Variants in TXNL4A observed in about 807,000 individuals in gnomAD.
The protein encoded by TXNL4A is thioredoxin-like protein 4A.
In TXNL4A, 17 loss-of-function variants were observed where a neutral mutation model predicts 14.6. The observed-to-expected ratio is 1.16, with a 90% CI of 0.80 to 1.74. The LOEUF (loss-of-function observed/expected upper bound fraction) is 1.74, where lower values mean the gene tolerates loss of function less well. TXNL4A is among the 40% of genes most tolerant of loss of function. The probability of loss-of-function intolerance (pLI) is 0.00; values close to 1 mark genes in which losing one functional copy is unlikely to be tolerated. For missense variants in TXNL4A, 74 were observed against 195.2 expected, an observed-to-expected ratio of 0.38 and a Z score of 3.70; for synonymous variants, 83 against 70.6, an observed-to-expected ratio of 1.18 and a Z score of -0.88.
intron 1 of TXNL4A, 147 bp downstream of exon 1, chr18:79,988,093 C>A: frequency 9.8e-7 from 1 of 1,023,020 alleles, no homozygotes; most frequent in South Asian, 3.0e-5. Flanking sequence ...GAGCGCTCGA[C>A]CGCAGCGAGG....
chr18:80,006,342 C>T (rs1017348788), intron 1 of TXNL4A, among the ~76,000 whole-genome samples: 3 of 151,804 alleles, frequency 2.0e-5, no homozygotes, highest in African/African-American at 4.8e-5. Flanking sequence ...CAAGATCATG[C>T]CATTGCACTC....
At chr18:79,991,343 C>T (rs1349429274), upstream of TXNL4A, among the ~76,000 whole-genome samples, 1 of 152,034 alleles carries the variant, frequency 6.6e-6, no homozygotes, top group Non-Finnish European at 1.5e-5. Context: ...ATAGATTTAC[C>T]TATTCTAGAC....
upstream of TXNL4A, among the ~76,000 whole-genome samples, chr18:79,990,728 T>G (rs2051621579): frequency 6.6e-6 from 1 of 152,380 alleles, no homozygotes; most frequent in Middle Eastern, 3.4e-3. Flanking sequence ...ACAAGATTTA[T>G]CGCCTTAATT....
chr18:79,988,582 G>A (rs553728300), upstream of TXNL4A: 315 of 497,392 alleles, frequency 6.3e-4, 1 homozygote, highest in African/African-American at 5.6e-3. Context: ...ACGCACCGAC[G>A]CCGTGCGTGC....
At chr18:79,989,573 T>G (rs1346625446), upstream of TXNL4A, among the ~76,000 whole-genome samples, 1 of 152,246 alleles carries the variant, frequency 6.6e-6, no homozygotes, top group African/African-American at 2.4e-5. Context: ...ATAAAACCTC[T>G]AACCTCTGTT....
chr18:80,002,295 C>T lies in TXNL4A; in HGVS notation c.-60-24594G>A, dbSNP rs140628221. Among the ~76,000 whole-genome samples the T allele has an allele frequency of 7.2e-5, 11 of 152,266 alleles. No individual in the cohort carries two copies. The East Asian group carries it at 1.5e-3, about 21-fold the overall frequency. On this transcript the variant is annotated intron_variant, in intron 1 of 2. Coordinates refer to the TXNL4A transcript ENST00000585474. ...GCAAGCCCTGTGGCACATCTTAATC[C>T]GTTAGGTCCTCGTGTCTAGGTGCAT...
intron 1 of TXNL4A, among the ~76,000 whole-genome samples, chr18:80,001,665 G>T (rs1324812167): frequency 6.6e-6 from 1 of 152,236 alleles, no homozygotes; most frequent in Non-Finnish European, 1.5e-5. Context: ...GAACTTTAAA[G>T]TTTAATGACT....
upstream of TXNL4A, chr18:79,988,601 TGCGC>T (rs1284535035): frequency 2.4e-6 from 1 of 421,518 alleles, no homozygotes; most frequent in Non-Finnish European, 3.9e-6. Flanking sequence ...GCTGACGGCA[TGCGC>T]GCGCGCTAGC....
chr18:80,007,415 C>A (rs923050498), intron 1 of TXNL4A, among the ~76,000 whole-genome samples: 2 of 152,148 alleles, frequency 1.3e-5, no homozygotes, highest in East Asian at 3.9e-4. Context: ...CAGAGAGAGT[C>A]GGAGAGAAAC....
intron 1 of TXNL4A, among the ~76,000 whole-genome samples, chr18:80,016,555 G>A (rs1459895820): frequency 6.6e-6 from 1 of 152,026 alleles, no homozygotes; most frequent in Non-Finnish European, 1.5e-5. Flanking sequence ...TGTAAGGAAG[G>A]GATCCAGTTT....
intron 1 of TXNL4A, among the ~76,000 whole-genome samples, chr18:80,014,907 TCTTGA>T (rs1445060091): frequency 6.6e-6 from 1 of 152,220 alleles, no homozygotes; most frequent in Admixed American, 6.5e-5. Context: ...AAACTTCAGT[TCTTGA>T]CTTCTGTGCG....
Position 79,971,874 on chromosome 18 carries a change from A to T in TXNL4A, c.*1811T>A, listed in dbSNP as rs893191320. The T allele has an allele frequency of 6.6e-6, 1 of 152,162 alleles. No individual in the cohort carries two copies. Among genetic ancestry groups the T allele is most frequent in the Admixed American group, 6.6e-5 (1 of 15,254 alleles). 9.4% of individuals were successfully genotyped at this position (152,162 alleles called of 1,614,324 possible). On this transcript the variant is annotated 3_prime_UTR_variant, in exon 3 of 3. Transcript: ENST00000269601. ...TCTGTTTCACCTGCTCTGGAGAAAT[A>T]GCAGGAGTGTAATACTGAGTGTCTG...
At position 79,973,569 on chromosome 18, in the gene TXNL4A, T is replaced by C. The variant is rs910584905; in HGVS notation, c.*116A>G. On this transcript the variant is annotated 3_prime_UTR_variant, in exon 3 of 3. Coordinates refer to ENST00000269601, the MANE Select transcript of TXNL4A (RefSeq NM_006701.5). ...AGTTAAGACCATGTTATCAATTCCA[T>C]CTCAGAGGTGCTCCAGCCCTGGAGC... is the stretch of plus-strand genomic sequence containing the variant. 44 of 1,348,176 alleles carry C rather than the reference T, an allele frequency of 3.3e-5. No homozygotes were observed. In the Middle Eastern group the frequency reaches 8.7e-4, roughly 27 times the overall value. 83.5% of individuals were successfully genotyped at this position (1,348,176 alleles called of 1,614,324 possible).
At chr18:79,987,598 G>A (rs938610398) in intron 1 of TXNL4A, among the ~76,000 whole-genome samples, 2 of 152,146 alleles carry the variant, frequency 1.3e-5, no homozygotes, top group Admixed American at 6.5e-5. Flanking sequence ...AATGAAATCT[G>A]GTTATAAAAT....
At chr18:80,025,067 A>G (rs1474170946) in intron 1 of TXNL4A, among the ~76,000 whole-genome samples, 1 of 152,230 alleles carries the variant, frequency 6.6e-6, no homozygotes, top group Non-Finnish European at 1.5e-5. Flanking sequence ...TAACTAAAGC[A>G]GATTCTAAGT....
chr18:79,998,836 G>A (rs1057511159), intron 1 of TXNL4A, among the ~76,000 whole-genome samples: 35 of 151,592 alleles, frequency 2.3e-4, no homozygotes, highest in African/African-American at 7.3e-4. Context: ...CCACTCTCTT[G>A]TCAGGCCCTT....
At chr18:80,024,217 G>T (rs2051869297) in intron 1 of TXNL4A, among the ~76,000 whole-genome samples, 1 of 151,992 alleles carries the variant, frequency 6.6e-6, no homozygotes. Flanking sequence ...TTTTGTGGGA[G>T]TTTTTCCACT....
chr18:79,977,969 A>G, intron 1 of TXNL4A: 1 of 409,454 alleles, frequency 2.4e-6, no homozygotes, highest in Non-Finnish European at 4.4e-6. Flanking sequence ...ACTCCTGGCC[A>G]ACGGGGCAAT....
intron 1 of TXNL4A, among the ~76,000 whole-genome samples, chr18:80,032,785 A>G (rs2145135320): frequency 6.6e-6 from 1 of 152,340 alleles, no homozygotes; most frequent in East Asian, 1.9e-4. Flanking sequence ...GGTTGCAGTG[A>G]GCCGGGATCA....
Sources: allele counts gnomAD v4.1 joint callset (sites outside exome capture counted in the v4.1 genomes callset), GRCh38; gene constraint gnomAD v4.1.1; transcripts MANE v1.5; gene names NCBI Gene and HGNC (gene_info 2026-07-23, HGNC 2026-07-21).